Variants in CENPK observed in about 807,000 individuals in gnomAD.
The protein encoded by CENPK is centromere protein K, also known as SoxLZ/Sox6-binding protein Solt.
Under a neutral mutation model 40.9 loss-of-function variants are expected in CENPK, and 46 were observed. The ratio of observed to expected loss-of-function variants is 1.13; its 90% CI spans 0.89 to 1.44. CENPK has a LOEUF of 1.44. Among genes scored for constraint, CENPK ranks in the 40% most tolerant of loss-of-function variants. CENPK has a pLI of 0.00. For synonymous variants in CENPK, 107 were observed against 104.4 expected (o/e 1.02, Z -0.15); for missense variants, 288 against 303.5 (o/e 0.95, Z 0.38).
intron 9 of CENPK, 63 bp from the exon 10 acceptor site, chr5:65,521,591 G>T: frequency 9.0e-7 from 1 of 1,114,982 alleles, no homozygotes; most frequent in South Asian, 1.3e-5. Flanking sequence ...TGAAATATTG[G>T]ACTGTTTTTA....
chr5:65,508,670 C>T, the CENPK span, among the ~76,000 whole-genome samples: 2 of 151,442 alleles, frequency 1.3e-5, no homozygotes, highest in Non-Finnish European at 2.9e-5. Flanking sequence ...CCTGTAATCC[C>T]AGCTACTTGG....
downstream of CENPK, among the ~76,000 whole-genome samples, chr5:65,516,852 A>C (rs1164593227): frequency 6.6e-6 from 1 of 152,148 alleles, no homozygotes; most frequent in African/African-American, 2.4e-5. Context: ...TATTTGATAC[A>C]CTCCATTTAG....
downstream of CENPK, among the ~76,000 whole-genome samples, chr5:65,516,648 T>C (rs1393289201): frequency 6.6e-6 from 1 of 152,168 alleles, no homozygotes. Context: ...CTGTAGTATC[T>C]GCATTTTTTG....
the CENPK span, among the ~76,000 whole-genome samples, chr5:65,496,694 T>A: frequency 6.6e-6 from 1 of 152,190 alleles, no homozygotes; most frequent in Admixed American, 6.5e-5. Context: ...GTGGGGTTTT[T>A]AATTTTCATC....
chr5:65,524,176 C>T (rs962362204), intron 9 of CENPK, among the ~76,000 whole-genome samples: 1 of 151,634 alleles, frequency 6.6e-6, no homozygotes, highest in Non-Finnish European at 1.5e-5. Context: ...GAGATCGAGA[C>T]CATCCTGGCT....
At chr5:65,555,147 A>G (rs1224461653) in intron 2 of CENPK, 2 of 285,950 alleles carry the variant, frequency 7.0e-6, no homozygotes, top group Non-Finnish European at 1.3e-5. Flanking sequence ...CAAATGATTT[A>G]TAAGTGCCAT....
chr5:65,497,136 G>A, the CENPK span, among the ~76,000 whole-genome samples: 1 of 151,990 alleles, frequency 6.6e-6, no homozygotes, highest in Admixed American at 6.6e-5. Flanking sequence ...GGGAGGCTGA[G>A]GCGGGCGGAC....
rs542133124 is a variant in CENPK, at chr5:65,560,426, G to A, written c.-40+1037C>T. ...GGATGGGCCAAATGGAGAGATTTCT[G>A]AGGTAATTATCAAAGTTTTATTTTT... On this transcript the variant is annotated intron_variant, in intron 2 of 10. Coordinates refer to ENST00000396679, the MANE Select transcript of CENPK (RefSeq NM_022145.5). 1.1e-3 allele frequency among the ~76,000 whole-genome samples: 165 copies of A among 152,230 alleles called. 1 individual carries two copies. Among genetic ancestry groups the A allele is most frequent in the Non-Finnish European group, 2.0e-3 (136 of 67,990 alleles).
At chr5:65,558,992 G>C (rs1043184685) in intron 2 of CENPK, among the ~76,000 whole-genome samples, 1 of 152,186 alleles carries the variant, frequency 6.6e-6, no homozygotes, top group Non-Finnish European at 1.5e-5. Flanking sequence ...AAGAGGATTA[G>C]AGTCTGGTGG....
intron 6 of CENPK, among the ~76,000 whole-genome samples, chr5:65,533,711 A>T (rs1307572204): frequency 2.6e-5 from 4 of 152,180 alleles, no homozygotes; most frequent in African/African-American, 9.6e-5. Context: ...CAATATATAC[A>T]TATTAATTGT....
chr5:65,512,799 G>GT (rs1172331019), downstream of CENPK, among the ~76,000 whole-genome samples: 1 of 152,102 alleles, frequency 6.6e-6, no homozygotes, highest in Non-Finnish European at 1.5e-5. Flanking sequence ...CCGTCAAACC[G>GT]TAACACTAAG....
At chr5:65,540,664 G>C (rs1373311460) in intron 6 of CENPK, among the ~76,000 whole-genome samples, 1 of 152,088 alleles carries the variant, frequency 6.6e-6, no homozygotes, top group Admixed American at 6.6e-5. Context: ...AACCCCAAAA[G>C]AACTGGGTTT....
chr5:65,543,629 AATATACCATAATATACTGAGTG>A (rs987960954), intron 5 of CENPK, among the ~76,000 whole-genome samples: 2 of 152,176 alleles, frequency 1.3e-5, no homozygotes, highest in African/African-American at 4.8e-5. Context: ...TTCCAAAATG[AATATACCATAATATACTGAGTG>A]ATTGCCCTCT....
chr5:65,512,474 C>T, the CENPK span, among the ~76,000 whole-genome samples: 764 of 152,290 alleles, frequency 5.0e-3, 4 homozygotes, highest in African/African-American at 0.018. Flanking sequence ...AACCACTACC[C>T]CAATCAGTCA....
chr5:65,496,346 T>A, the CENPK span, among the ~76,000 whole-genome samples: 1 of 152,140 alleles, frequency 6.6e-6, no homozygotes, highest in Non-Finnish European at 1.5e-5. Flanking sequence ...ACGGTGCTAT[T>A]TCTAAGAGTG....
chr5:65,551,558 TCTTA>T lies in CENPK; in HGVS notation c.241+2_241+5del. 6.8e-7 allele frequency: 1 copy of T among 1,471,110 alleles called. No individual in the cohort carries two copies. The highest frequency in any genetic ancestry group is 1.4e-5 in the African/African-American group (1 of 70,166). The allele number at this position is 1,471,110 out of a possible 1,614,324, so 91.1% of individuals were successfully genotyped here. A position where few individuals can be genotyped will look rare whatever the true frequency, so the allele number is the denominator to read the frequency against. On this transcript the variant is annotated splice_donor_variant and splice_donor_5th_base_variant and intron_variant, in intron 5 of 10. Coordinates refer to ENST00000396679, the MANE Select transcript of CENPK (RefSeq NM_022145.5). LOFTEE classifies it high-confidence loss of function. ...AAAAAATTCAAATTTAAAATAAGAA[TCTTA>T]CTTTCAGGTGTTTTTTTCTGCCATT...
chr5:65,533,293 T>C (rs1746226075), intron 6 of CENPK, among the ~76,000 whole-genome samples: 1 of 151,768 alleles, frequency 6.6e-6, no homozygotes, highest in African/African-American at 2.4e-5. Context: ...GAGATTGCAG[T>C]GAACTGAGAT....
intron 6 of CENPK, chr5:65,541,533 C>CT (rs948459685): frequency 6.8e-6 from 3 of 440,584 alleles, no homozygotes; most frequent in African/African-American, 6.0e-5. Context: ...AGGAAAAACA[C>CT]TTTGTTTTTT....
At chr5:65,530,543 G>A (rs572399126) in intron 6 of CENPK, among the ~76,000 whole-genome samples, 2 of 152,322 alleles carry the variant, frequency 1.3e-5, no homozygotes, top group East Asian at 3.8e-4. Flanking sequence ...GAAGACTAAA[G>A]AGAATTACAA....
Sources: allele counts gnomAD v4.1 joint callset (sites outside exome capture counted in the v4.1 genomes callset), GRCh38; gene constraint gnomAD v4.1.1; transcripts MANE v1.5; gene names NCBI Gene and HGNC (gene_info 2026-07-23, HGNC 2026-07-21).